MMRN1: variants seen among roughly 807,000 people sequenced by gnomAD.
MMRN1 encodes the protein multimerin-1.
Under a neutral mutation model 100.7 loss-of-function variants are expected in MMRN1, and 94 were observed. That is an observed-to-expected ratio of 0.93 (90% CI 0.79 to 1.11). MMRN1 has a LOEUF of 1.11. Among genes scored for constraint, MMRN1 ranks in the 50% least tolerant of loss-of-function variants. MMRN1 has a pLI of 0.00. For synonymous variants in MMRN1, 575 were observed against 505.0 expected, an observed-to-expected ratio of 1.14 and a Z score of -1.86; for missense variants, 1,606 against 1,439.1, an observed-to-expected ratio of 1.12 and a Z score of -1.88.
intron 6 of MMRN1, among the ~76,000 whole-genome samples, chr4:89,947,934 C>A (rs1185130588): frequency 1.3e-5 from 2 of 152,244 alleles, no homozygotes; most frequent in Middle Eastern, 3.4e-3. Context: ...CTCACTGCAA[C>A]CTCCGCCTCC....
chr4:89,933,685 T>C (rs1470236399), intron 5 of MMRN1, among the ~76,000 whole-genome samples: 1 of 152,114 alleles, frequency 6.6e-6, no homozygotes, highest in Non-Finnish European at 1.5e-5. Flanking sequence ...AGAACTCACT[T>C]ACTATCATGA....
At chr4:89,939,670 C>T (rs1194553793) in intron 6 of MMRN1, among the ~76,000 whole-genome samples, 1 of 152,188 alleles carries the variant, frequency 6.6e-6, no homozygotes, top group Non-Finnish European at 1.5e-5. Context: ...TCCTCAACCA[C>T]ATGCTCAAAG....
chr4:89,900,350 C>G (rs1236298639), intron 1 of MMRN1, among the ~76,000 whole-genome samples: 1 of 152,086 alleles, frequency 6.6e-6, no homozygotes, highest in East Asian at 1.9e-4. Flanking sequence ...AAGTTAATAT[C>G]TCAAAGGAAA....
chr4:89,901,829 T>C (rs1164811125), intron 1 of MMRN1, among the ~76,000 whole-genome samples: 1 of 152,076 alleles, frequency 6.6e-6, no homozygotes, highest in African/African-American at 2.4e-5. Context: ...TGAGTGCTTA[T>C]ATATTCCTAA....
chr4:89,935,152 C>G lies in MMRN1; in HGVS notation c.1472C>G (p.Ala491Gly). ...GTAAAGCAGACTCATTTAGAAGGTG[C>G]TCTAGAACAGGAACACTCAAGAAGC... ...LEVKQTHLEG[A>G]LEQEHSRSIL... is the part of the protein sequence containing the mutation. Residue 491 changes from alanine to glycine, a missense_variant, in exon 6 of 8, where the codon GCT becomes GGT. Ala to Gly is a moderately conservative substitution (Grantham distance 60, BLOSUM62 0). Coordinates refer to ENST00000264790, the MANE Select transcript of MMRN1 (RefSeq NM_007351.3). 6.2e-7 allele frequency: 1 copy of G among 1,613,342 alleles called. No individual in the cohort carries two copies. Among genetic ancestry groups the G allele is most frequent in the South Asian group, 1.1e-5 (1 of 90,982 alleles).
Position 89,936,036 on chromosome 4 carries a change from A to T in MMRN1, c.2356A>T (p.Ile786Phe), listed in dbSNP as rs1722620895. The T allele has an allele frequency of 6.2e-7, 1 of 1,612,546 alleles. No individual in the cohort carries two copies. The highest frequency in any genetic ancestry group is 1.3e-5 in the African/African-American group (1 of 74,844). ...IPQFHRLNDS[I>F]QTLVNDNQRY... ...TCAGTTCCACCGTCTGAATGATTCT[A>T]TTCAGACTTTGGTCAATGACAATCA... The change falls in exon 6 of 8, where the codon ATT becomes TTT. Residue 786 changes from isoleucine (I) to phenylalanine (F), a missense_variant. Transcript: ENST00000264790.
intron 6 of MMRN1, among the ~76,000 whole-genome samples, chr4:89,950,941 T>G (rs1262601168): frequency 6.6e-6 from 1 of 152,096 alleles, no homozygotes; most frequent in Admixed American, 6.5e-5. Context: ...TAGATTGCCA[T>G]GTCTTCTAAT....
intron 1 of MMRN1, among the ~76,000 whole-genome samples, chr4:89,886,293 A>C (rs1720935763): frequency 6.6e-6 from 1 of 152,088 alleles, no homozygotes; most frequent in Non-Finnish European, 1.5e-5. Flanking sequence ...CATCCCTGTT[A>C]TTGCTGCTTT....
At chr4:89,907,725 C>A (rs1412168354) in intron 1 of MMRN1, among the ~76,000 whole-genome samples, 1 of 151,202 alleles carries the variant, frequency 6.6e-6, no homozygotes. Flanking sequence ...AACATTCAGT[C>A]CATTTTTAAT....
Position 89,929,134 on chromosome 4 carries a change from C to T in MMRN1, c.1129+1166C>T, listed in dbSNP as rs1722356835. On this transcript the variant is annotated intron_variant, in intron 5 of 7. Transcript: ENST00000264790. ...TTCTAGGCATGCAGTTAGTTTGATT[C>T]CTGGGAGCGTCCCAGTCGGGTTTAT... Among the ~76,000 whole-genome samples the T allele has an allele frequency of 3.3e-5, 5 of 152,192 alleles. No individual in the cohort carries two copies. The South Asian group carries it at 1.0e-3, about 32-fold the overall frequency.
At chr4:89,881,483 T>C (rs2110566527) in intron 1 of MMRN1, among the ~76,000 whole-genome samples, 1 of 152,216 alleles carries the variant, frequency 6.6e-6, no homozygotes, top group South Asian at 2.1e-4. Context: ...GCAGGTGTTC[T>C]CATTTTGTAT....
chr4:89,924,829 C>A (rs28523706), intron 4 of MMRN1, among the ~76,000 whole-genome samples: 1 of 151,728 alleles, frequency 6.6e-6, no homozygotes, highest in Non-Finnish European at 1.5e-5. Flanking sequence ...GGTGACAGAG[C>A]GAGACTGTCT....
chr4:89,890,621 G>C (rs1163128936), upstream of MMRN1, among the ~76,000 whole-genome samples: 1 of 152,076 alleles, frequency 6.6e-6, no homozygotes, highest in Non-Finnish European at 1.5e-5. Context: ...ATAATCACTT[G>C]ATAACCAGAT....
intron 5 of MMRN1, among the ~76,000 whole-genome samples, chr4:89,933,803 G>A (rs1722519193): frequency 6.6e-6 from 1 of 152,104 alleles, no homozygotes; most frequent in Admixed American, 6.5e-5. Context: ...AGGTTTGGGT[G>A]GGGACACAGC....
chr4:89,929,481 T>C (rs911739350), intron 5 of MMRN1, among the ~76,000 whole-genome samples: 2 of 152,130 alleles, frequency 1.3e-5, no homozygotes, highest in Non-Finnish European at 2.9e-5. Context: ...TTTTCCCCCC[T>C]GAAGTGACAG....
chr4:89,932,625 A>G (rs1722478102), intron 5 of MMRN1, among the ~76,000 whole-genome samples: 1 of 152,150 alleles, frequency 6.6e-6, no homozygotes, highest in African/African-American at 2.4e-5. Context: ...TGCACCTTCA[A>G]GCCCAACACC....
chr4:89,893,914 G>A (rs1293875304), upstream of MMRN1, among the ~76,000 whole-genome samples: 1 of 151,986 alleles, frequency 6.6e-6, no homozygotes, highest in Non-Finnish European at 1.5e-5. Context: ...AGATTTGCTG[G>A]AGAAATTAAA....
chr4:89,888,588 A>G (rs1260079645), intron 1 of MMRN1, among the ~76,000 whole-genome samples: 1 of 151,972 alleles, frequency 6.6e-6, no homozygotes, highest in Non-Finnish European at 1.5e-5. Context: ...GCTAAACCAT[A>G]TGAAATTGTT....
rs1390414541 is a variant in MMRN1 at position 89,932,363 on chromosome 4, C to G, written c.1130-2447C>G. 1.6e-4 allele frequency among the ~76,000 whole-genome samples: 25 copies of G among 152,170 alleles called. 1 individual carries two copies. The highest frequency in any genetic ancestry group is 1.5e-5 in the Non-Finnish European group (1 of 68,022). ...TGATTTTGAAGGTCTGTGGCTTTTT[C>G]TCATGCACAGTGCAAGCTGTCAGTG... is the stretch of plus-strand genomic sequence containing the variant. On this transcript the variant is annotated intron_variant, in intron 5 of 7. Transcript: ENST00000264790.
Sources: gnomAD v4.1 joint callset for allele counts (sites outside exome capture counted in the v4.1 genomes callset) on GRCh38, gnomAD v4.1.1 for gene constraint, MANE v1.5 for transcripts, NCBI Gene and HGNC (gene_info 2026-07-23, HGNC 2026-07-21) for gene names.